Variants in HSPA4 observed in about 807,000 individuals in gnomAD.
HSPA4 encodes the protein heat shock 70 kDa protein 4.
Under a neutral mutation model 106.2 loss-of-function variants are expected in HSPA4, and 25 were observed. The observed-to-expected ratio is 0.24, with a 90% CI of 0.17 to 0.33. The LOEUF is 0.33. Among genes scored for constraint, HSPA4 ranks in the 10% least tolerant of loss-of-function variants. The pLI is 1.00. For synonymous variants in HSPA4, 332 were observed against 333.6 expected, an observed-to-expected ratio of 1.00 and a Z score of 0.05; for missense variants, 841 against 996.0, an observed-to-expected ratio of 0.84 and a Z score of 2.10.
chr5:133,099,811 T>G (rs1765762759), intron 16 of HSPA4, among the ~76,000 whole-genome samples, 159 bp downstream of exon 16: 1 of 152,222 alleles, frequency 6.6e-6, no homozygotes, highest in Non-Finnish European at 1.5e-5. Flanking sequence ...TCATTCTCAC[T>G]TTTAGAACCT....
chr5:133,100,413 T>C (rs1043430381), intron 16 of HSPA4, among the ~76,000 whole-genome samples: 1 of 151,730 alleles, frequency 6.6e-6, no homozygotes, highest in African/African-American at 2.4e-5. Context: ...TTTTTTTTTT[T>C]TGAGACGGAG....
intron 7 of HSPA4, among the ~76,000 whole-genome samples, chr5:133,085,111 TTAACGTGTA>T (rs1474034719): frequency 8.5e-5 from 13 of 152,168 alleles, no homozygotes; most frequent in Admixed American, 8.5e-4. Flanking sequence ...AGTCACCCTT[TTAACGTGTA>T]TAATTCAGCG....
At chr5:133,052,776 A>G (rs1489848269) in intron 1 of HSPA4, 1 of 158,044 alleles carries the variant, frequency 6.3e-6, no homozygotes, top group Non-Finnish European at 1.4e-5. Flanking sequence ...GCTTAATAAT[A>G]GTTGAATCGA....
Position 133,092,805 on chromosome 5 carries a change from T to C in HSPA4, c.1650+16T>C. ...AGAAATGGAGGTATGCATTGGGTGG[T>C]GTTTTTTTTTTTTTTTTTTTTTTTT... On this transcript the variant is annotated intron_variant, in intron 13 of 18. Coordinates refer to ENST00000304858, the MANE Select transcript of HSPA4 (RefSeq NM_002154.4). 4.5e-6 allele frequency: 2 copies of C among 447,092 alleles called. No homozygotes were observed. The highest frequency in any genetic ancestry group is 7.1e-6 in the Non-Finnish European group (2 of 281,114). 27.7% of individuals were successfully genotyped at this position (447,092 alleles called of 1,614,324 possible).
Position 133,076,893 on chromosome 5 carries a change from G to T in HSPA4, c.903G>T (p.Met301Ile). 6.2e-7 allele frequency: 1 copy of T among 1,608,104 alleles called. No homozygotes were observed. Among genetic ancestry groups the T allele is most frequent in the South Asian group, 1.1e-5 (1 of 90,834 alleles). The change falls in exon 7 of 19, where the codon ATG (methionine) becomes ATT (isoleucine). Residue 301 changes from methionine to isoleucine, a missense_variant. Coordinates refer to ENST00000304858, the MANE Select transcript of HSPA4 (RefSeq NM_002154.4). ...FMNDVDVSGT[M>I]NRGKFLEMCN... ...ATGATGTTGATGTATCTGGAACTATGAATAGGTAAGTATATTACTATTTCG... is the reference window on the plus strand; with the variant it reads ...ATGATGTTGATGTATCTGGAACTATTAATAGGTAAGTATATTACTATTTCG...
rs147346825 is a variant in HSPA4, at chr5:133,101,634, A to T, written c.2038-125A>T. The T allele has an allele frequency of 7.4e-5, 62 of 843,414 alleles. No homozygotes were observed. The East Asian group carries it at 1.8e-3, about 24-fold the overall frequency. 52.2% of individuals were successfully genotyped at this position (843,414 alleles called of 1,614,324 possible). ...TAGCTTCATATTTCCAAAGGCCTGGAGAAATATATTTAACTTCTTATATAT... is the reference window on the plus strand; with the variant it reads ...TAGCTTCATATTTCCAAAGGCCTGGTGAAATATATTTAACTTCTTATATAT... On this transcript the variant is annotated intron_variant, in intron 16 of 18. Coordinates refer to ENST00000304858, the MANE Select transcript of HSPA4 (RefSeq NM_002154.4).
At chr5:133,077,309 A>G (rs532345339) in intron 7 of HSPA4, among the ~76,000 whole-genome samples, 2 of 152,090 alleles carry the variant, frequency 1.3e-5, no homozygotes, top group East Asian at 1.9e-4. Flanking sequence ...CACAATCTCA[A>G]CTCACTGCAA....
At chr5:133,079,708 C>T (rs901849482) in intron 7 of HSPA4, among the ~76,000 whole-genome samples, 1 of 152,188 alleles carries the variant, frequency 6.6e-6, no homozygotes. Flanking sequence ...CTATATTTCT[C>T]AGTGATTATC....
At chr5:133,058,576 G>A (rs1765197037) in intron 1 of HSPA4, among the ~76,000 whole-genome samples, 1 of 152,052 alleles carries the variant, frequency 6.6e-6, no homozygotes, top group Admixed American at 6.5e-5. Context: ...TGAGGATGAG[G>A]CTGAGGCATG....
chr5:133,097,984 G>A (rs1765736284), intron 15 of HSPA4, among the ~76,000 whole-genome samples: 1 of 150,998 alleles, frequency 6.6e-6, no homozygotes, highest in South Asian at 2.1e-4. Flanking sequence ...ATTATATAGT[G>A]GTGAATTCTG....
chr5:133,063,180 T>C (rs1025744255), intron 1 of HSPA4, among the ~76,000 whole-genome samples: 1 of 152,148 alleles, frequency 6.6e-6, no homozygotes, highest in Non-Finnish European at 1.5e-5. Context: ...TACTGCAGCC[T>C]CAGGCTCCTG....
intron 11 of HSPA4, among the ~76,000 whole-genome samples, chr5:133,089,967 C>G (rs984336039): frequency 2.0e-5 from 3 of 152,264 alleles, no homozygotes; most frequent in Non-Finnish European, 4.4e-5. Flanking sequence ...CTTCCAGTCT[C>G]GTTAGCAGGT....
intron 15 of HSPA4, 139 bp downstream of exon 15, chr5:133,097,425 A>T (rs1395281404): frequency 1.8e-6 from 1 of 570,744 alleles, no homozygotes; most frequent in Non-Finnish European, 3.0e-6. Flanking sequence ...AAAATTTTAT[A>T]TTTTTTTATA....
intron 1 of HSPA4, 128 bp from the exon 2 acceptor site, chr5:133,064,852 G>A (rs1765288451): frequency 1.2e-6 from 1 of 835,346 alleles, no homozygotes; most frequent in South Asian, 1.6e-5. Flanking sequence ...CAATAGAAAG[G>A]TCAAAATCAT....
chr5:133,066,534 C>G (rs1765307369), intron 2 of HSPA4, among the ~76,000 whole-genome samples: 1 of 152,062 alleles, frequency 6.6e-6, no homozygotes, highest in Admixed American at 6.5e-5. Context: ...AAAACTTTAC[C>G]TGTTGATATT....
chr5:133,088,306 T>C, intron 8 of HSPA4, 98 bp from the exon 9 acceptor site: 1 of 799,300 alleles, frequency 1.3e-6, no homozygotes, highest in Non-Finnish European at 2.0e-6. Flanking sequence ...GTGAGGGAGT[T>C]GGAGGAGTTT....
At chr5:133,056,754 A>G (rs975632825) in intron 1 of HSPA4, among the ~76,000 whole-genome samples, 1 of 152,212 alleles carries the variant, frequency 6.6e-6, no homozygotes, top group Non-Finnish European at 1.5e-5. Context: ...TACTGTATAT[A>G]CTTAAAGTTT....
At chr5:133,072,734 C>T (rs1765400355) in intron 4 of HSPA4, among the ~76,000 whole-genome samples, 1 of 151,974 alleles carries the variant, frequency 6.6e-6, no homozygotes, top group Non-Finnish European at 1.5e-5. Flanking sequence ...AGGGGTCTGT[C>T]ACATTGGTAC....
intron 1 of HSPA4, 93 bp downstream of exon 1, chr5:133,052,450 A>G: frequency 2.3e-6 from 2 of 875,776 alleles, no homozygotes; most frequent in Non-Finnish European, 3.4e-6. Context: ...ACGCGGGCCG[A>G]GGAGTCGCCT....
Sources: allele counts gnomAD v4.1 joint callset (sites outside exome capture counted in the v4.1 genomes callset), GRCh38; gene constraint gnomAD v4.1.1; transcripts MANE v1.5; gene names NCBI Gene and HGNC (gene_info 2026-07-23, HGNC 2026-07-21).